SHROOM4: variants seen among roughly 807,000 people sequenced by gnomAD.
SHROOM4 encodes the protein shroom family member 4, also known as protein Shroom4.
SHROOM4 carries 17 observed loss-of-function variants against 80.3 expected under a neutral mutation model. That is an observed-to-expected ratio of 0.21 (90% CI 0.14 to 0.32). SHROOM4 has a LOEUF of 0.32. Among genes scored for constraint, SHROOM4 ranks in the 10% least tolerant of loss-of-function variants. The pLI is 1.00. For missense variants in SHROOM4, 993 were observed against 1,140.3 expected (o/e 0.87, Z 1.86); for synonymous variants, 400 against 437.5 (o/e 0.91, Z 1.07).
intron 2 of SHROOM4, among the ~76,000 whole-genome samples, chrX:50,689,967 A>G (rs1933180026): frequency 8.9e-6 from 1 of 111,984 alleles, no homozygotes; most frequent in Non-Finnish European, 1.9e-5. Flanking sequence ...CAATGTGAAT[A>G]ATTCTGCAAC....
At chrX:50,612,837 T>TA (rs58814395) in intron 5 of SHROOM4, among the ~76,000 whole-genome samples, 46 of 106,256 alleles carry the variant, frequency 4.3e-4, no homozygotes, top group South Asian at 1.6e-3. Flanking sequence ...CACTTCCAGA[T>TA]AAAAAAAAAA....
intron 1 of SHROOM4, among the ~76,000 whole-genome samples, chrX:50,757,766 T>C (rs1299952573): frequency 1.9e-5 from 2 of 106,810 alleles, no homozygotes; most frequent in African/African-American, 6.9e-5. Context: ...GAGGTTGCAG[T>C]GAGCCAAGGT....
At chrX:50,628,975 C>T (rs1295475272) in intron 4 of SHROOM4, among the ~76,000 whole-genome samples, 4 of 111,805 alleles carry the variant, frequency 3.6e-5, no homozygotes, top group East Asian at 2.8e-4. Flanking sequence ...CCTTGTGAGA[C>T]GTTCCTGCCT....
rs781878531 is a variant in SHROOM4, at chrX:50,801,261, G to GGAGAGA, written c.117+12635_117+12640dup. Among the ~76,000 whole-genome samples, 271 of 81,511 alleles carry GGAGAGA rather than the reference G, an allele frequency of 3.3e-3. 1 individual carries two copies. Among genetic ancestry groups the GGAGAGA allele is most frequent in the South Asian group, 8.0e-3 (10 of 1,247 alleles). 70.8% of individuals were successfully genotyped at this position (81,511 alleles called of 115,157 possible). On this transcript the variant is annotated intron_variant, in intron 1 of 8. Coordinates refer to ENST00000376020, the MANE Select transcript of SHROOM4 (RefSeq NM_020717.5). ...GGAGGGAAGGAGAGAGAGAGAAAGA[G>GGAGAGA]GAGAGAGAGAGAGAGAGAGAGAGAG...
intron 1 of SHROOM4, among the ~76,000 whole-genome samples, chrX:50,770,360 G>A (rs1313273879): frequency 8.9e-6 from 1 of 112,117 alleles, no homozygotes; most frequent in Non-Finnish European, 1.9e-5. Flanking sequence ...AGATTGGGAG[G>A]GGGAAATTTC....
chrX:50,679,836 C>G (rs1234279443), intron 2 of SHROOM4, among the ~76,000 whole-genome samples: 1 of 111,528 alleles, frequency 9.0e-6, no homozygotes, highest in Non-Finnish European at 1.9e-5. Context: ...CAAAAATCAC[C>G]ATATATTTAT....
intron 2 of SHROOM4, among the ~76,000 whole-genome samples, chrX:50,668,298 A>C (rs1463788931): frequency 9.0e-6 from 1 of 111,154 alleles, no homozygotes; most frequent in Non-Finnish European, 1.9e-5. Flanking sequence ...ACTGCCCAGC[A>C]GTAAGCAAGC....
At chrX:50,629,800 C>G (rs1194365913) in intron 4 of SHROOM4, among the ~76,000 whole-genome samples, 4 of 111,800 alleles carry the variant, frequency 3.6e-5, no homozygotes, top group Non-Finnish European at 7.5e-5. Flanking sequence ...AATTAGTTCA[C>G]CAACCTCGTC....
At chrX:50,810,580 T>C (rs185331073) in intron 1 of SHROOM4, among the ~76,000 whole-genome samples, 107 of 111,584 alleles carry the variant, frequency 9.6e-4, no homozygotes, top group African/African-American at 3.4e-3. Context: ...AAAATAGTCC[T>C]TTCCTACTCT....
intron 8 of SHROOM4, 114 bp from the exon 9 acceptor site, chrX:50,597,078 C>T: frequency 1.1e-6 from 1 of 928,879 alleles, no homozygotes; most frequent in Non-Finnish European, 1.5e-6. Context: ...ATACATTCTG[C>T]TAATTAGTCA....
intron 2 of SHROOM4, among the ~76,000 whole-genome samples, chrX:50,670,466 T>C (rs1557260725): frequency 8.9e-6 from 1 of 112,130 alleles, no homozygotes; most frequent in African/African-American, 3.2e-5. Context: ...TGCATAGTAT[T>C]CAATGGTGTA....
At chrX:50,707,156 T>C (rs1329156042) in intron 1 of SHROOM4, among the ~76,000 whole-genome samples, 1 of 112,065 alleles carries the variant, frequency 8.9e-6, no homozygotes, top group Non-Finnish European at 1.9e-5. Context: ...CGTTAACCAG[T>C]GCCCTCAGAC....
chrX:50,714,782 C>T (rs1237215844), intron 1 of SHROOM4, among the ~76,000 whole-genome samples: 1 of 111,820 alleles, frequency 8.9e-6, no homozygotes, highest in African/African-American at 3.3e-5. Flanking sequence ...AGTTGATACA[C>T]CTGCCCAACC....
At chrX:50,770,148 C>T (rs1039473847) in intron 1 of SHROOM4, among the ~76,000 whole-genome samples, 1 of 110,842 alleles carries the variant, frequency 9.0e-6, no homozygotes, top group Non-Finnish European at 1.9e-5. Flanking sequence ...AGCAACTCCC[C>T]TGCCCCAAGG....
chrX:50,730,342 G>A (rs1227305503), intron 1 of SHROOM4, among the ~76,000 whole-genome samples: 1 of 110,910 alleles, frequency 9.0e-6, no homozygotes, highest in Non-Finnish European at 1.9e-5. Context: ...CAGGAGAATT[G>A]CTTGAACCCA....
At chrX:50,597,166 C>T (rs782642808) in intron 8 of SHROOM4, among the ~76,000 whole-genome samples, 11 of 112,480 alleles carry the variant, frequency 9.8e-5, no homozygotes, top group Admixed American at 7.5e-4. Context: ...AACATGACAA[C>T]AATTCTGGAT....
intron 2 of SHROOM4, among the ~76,000 whole-genome samples, chrX:50,646,527 AGTGTGTGTGTGTGTGT>A (rs782016561): frequency 1.0e-3 from 81 of 78,779 alleles, no homozygotes; most frequent in African/African-American, 2.6e-3. Context: ...AGGGGGGAAG[AGTGTGTGTGTGTGTGT>A]GTGTGTGTGT....
chrX:50,611,141 TTTC>T (rs1557249764), intron 5 of SHROOM4, among the ~76,000 whole-genome samples: 3 of 90,774 alleles, frequency 3.3e-5, no homozygotes, highest in African/African-American at 8.9e-5. Flanking sequence ...ATTTTCTTTT[TTTC>T]TTTTTTTTTT....
chrX:50,742,126 C>T (rs1426163963), intron 1 of SHROOM4, among the ~76,000 whole-genome samples: 1 of 109,662 alleles, frequency 9.1e-6, no homozygotes. Flanking sequence ...GTTTCATTTC[C>T]TTACTCTATT....
Sources: allele counts gnomAD v4.1 joint callset (sites outside exome capture counted in the v4.1 genomes callset), GRCh38; gene constraint gnomAD v4.1.1; transcripts MANE v1.5; gene names NCBI Gene and HGNC (gene_info 2026-07-23, HGNC 2026-07-21).